RABGAP1: variants seen among roughly 807,000 people sequenced by gnomAD.
The protein encoded by RABGAP1 is rab GTPase-activating protein 1.
In RABGAP1, 23 loss-of-function variants were observed where a neutral mutation model predicts 137.6. The ratio of observed to expected loss-of-function variants is 0.17; its 90% confidence interval spans 0.12 to 0.24. RABGAP1 has a LOEUF of 0.24. Ranked by LOEUF, RABGAP1 falls within the 10% of genes least tolerant of loss-of-function variation. The pLI is 1.00. For synonymous variants in RABGAP1, 451 were observed against 450.7 expected, an observed-to-expected ratio of 1.00 and a Z score of -0.01; for missense variants, 906 against 1,275.8, an observed-to-expected ratio of 0.71 and a Z score of 4.42.
chr9:123,016,568 A>G (rs1055259777), intron 12 of RABGAP1, among the ~76,000 whole-genome samples: 10 of 152,198 alleles, frequency 6.6e-5, no homozygotes, highest in Non-Finnish European at 1.2e-4. Context: ...GGTATTTAAC[A>G]TGACCACAGA....
chr9:122,940,498 G>A (rs1833485512), upstream of RABGAP1, among the ~76,000 whole-genome samples: 1 of 152,186 alleles, frequency 6.6e-6, no homozygotes, highest in South Asian at 2.1e-4. Context: ...GTACCATTCT[G>A]ACGGGTTTGT....
chr9:123,087,979 C>T (rs571882084), intron 19 of RABGAP1, among the ~76,000 whole-genome samples: 1 of 152,098 alleles, frequency 6.6e-6, no homozygotes, highest in African/African-American at 2.4e-5. Flanking sequence ...GGCAGATTTC[C>T]ACGTCAGCAC....
At chr9:122,931,783 G>A in the RABGAP1 span, among the ~76,000 whole-genome samples, 1 of 152,230 alleles carries the variant, frequency 6.6e-6, no homozygotes, top group Non-Finnish European at 1.5e-5. Context: ...GGGACCCGCT[G>A]CTCGGGACCC....
At chr9:122,958,973 T>C (rs1345954267) in intron 2 of RABGAP1, among the ~76,000 whole-genome samples, 2 of 152,156 alleles carry the variant, frequency 1.3e-5, no homozygotes, top group African/African-American at 4.8e-5. Flanking sequence ...CACACCACTG[T>C]ACTTCAGCCC....
intron 19 of RABGAP1, among the ~76,000 whole-genome samples, chr9:123,083,487 T>C (rs1249077917): frequency 6.6e-6 from 1 of 152,208 alleles, no homozygotes; most frequent in Non-Finnish European, 1.5e-5. Context: ...GGCACTGCCT[T>C]CTTTTAATAA....
At chr9:123,088,373 C>G (rs540402219) in intron 19 of RABGAP1, among the ~76,000 whole-genome samples, 2 of 152,052 alleles carry the variant, frequency 1.3e-5, no homozygotes, top group African/African-American at 4.8e-5. Context: ...AAATTGCACA[C>G]ATCTGTTTTT....
intron 1 of RABGAP1, among the ~76,000 whole-genome samples, chr9:122,956,433 G>T (rs148446506): frequency 0.016 from 2,392 of 152,216 alleles, 35 homozygotes; most frequent in South Asian, 0.066. Context: ...GGCGGATCAC[G>T]AGGTCAGGAG....
intron 19 of RABGAP1, among the ~76,000 whole-genome samples, chr9:123,088,839 GA>G (rs2034950569): frequency 6.6e-6 from 1 of 152,222 alleles, no homozygotes; most frequent in African/African-American, 2.4e-5. Context: ...TTTTCTAGAA[GA>G]AAGCAGAGAA....
At chr9:122,962,985 A>G (rs1834931033) in intron 2 of RABGAP1, among the ~76,000 whole-genome samples, 1 of 152,274 alleles carries the variant, frequency 6.6e-6, no homozygotes, top group African/African-American at 2.4e-5. Flanking sequence ...GAGGTAATAT[A>G]TGAATAATGA....
intron 13 of RABGAP1, among the ~76,000 whole-genome samples, chr9:123,038,299 G>C (rs2032775665): frequency 6.6e-6 from 1 of 152,042 alleles, no homozygotes; most frequent in African/African-American, 2.4e-5. Flanking sequence ...TTCTTTTCAA[G>C]CCTTTTATAA....
At chr9:123,065,297 A>C in intron 13 of RABGAP1, 51 bp from the exon 14 acceptor site, 2 of 1,310,124 alleles carry the variant, frequency 1.5e-6, no homozygotes, top group Non-Finnish European at 2.2e-6. Flanking sequence ...CCTGAATAAG[A>C]GTTTACATGA....
intron 12 of RABGAP1, among the ~76,000 whole-genome samples, chr9:123,016,261 T>A (rs2031221233): frequency 6.6e-6 from 1 of 152,086 alleles, no homozygotes; most frequent in Non-Finnish European, 1.5e-5. Flanking sequence ...AATCTCAGCA[T>A]TTTGGGAGGT....
At chr9:122,965,832 A>G (rs1394148054) in intron 2 of RABGAP1, among the ~76,000 whole-genome samples, 2 of 152,228 alleles carry the variant, frequency 1.3e-5, no homozygotes, top group African/African-American at 4.8e-5. Context: ...TTTTCTAAAA[A>G]GCTCCCTGGA....
At chr9:122,950,817 G>A (rs1039722111) in intron 1 of RABGAP1, among the ~76,000 whole-genome samples, 5 of 152,182 alleles carry the variant, frequency 3.3e-5, no homozygotes, top group Admixed American at 6.5e-5. Context: ...CTGTAACCAT[G>A]TTAGCTAATG....
intron 5 of RABGAP1, 28 bp from the exon 6 acceptor site, chr9:122,990,027 AG>A (rs756702912): frequency 6.5e-7 from 1 of 1,542,846 alleles, no homozygotes; most frequent in African/African-American, 1.4e-5. Context: ...TTTTGATAAC[AG>A]CCCATTTCCT....
intron 1 of RABGAP1, among the ~76,000 whole-genome samples, chr9:122,941,476 C>A (rs959328647): frequency 2.0e-5 from 3 of 152,036 alleles, no homozygotes; most frequent in African/African-American, 7.2e-5. Context: ...TCCAGCCGCT[C>A]CCCCCCGCCT....
intron 10 of RABGAP1, among the ~76,000 whole-genome samples, chr9:123,003,754 G>A (rs2029940643): frequency 6.6e-6 from 1 of 152,018 alleles, no homozygotes; most frequent in African/African-American, 2.4e-5. Context: ...TTGCTTTCTT[G>A]GACTTAAATT....
upstream of RABGAP1, chr9:122,938,852 C>G (rs539672137): frequency 6.6e-6 from 1 of 152,280 alleles, no homozygotes; most frequent in South Asian, 2.1e-4. Context: ...CTTGCAGGAA[C>G]AAGCTCAATG....
chr9:123,078,073 C>T (rs966031580), intron 19 of RABGAP1, among the ~76,000 whole-genome samples: 5 of 152,070 alleles, frequency 3.3e-5, no homozygotes, highest in African/African-American at 1.2e-4. Context: ...TTAATGCTCA[C>T]ACAGACATAG....
Sources: allele counts gnomAD v4.1 joint callset (sites outside exome capture counted in the v4.1 genomes callset), GRCh38; gene constraint gnomAD v4.1.1; transcripts MANE v1.5; gene names NCBI Gene and HGNC (gene_info 2026-07-23, HGNC 2026-07-21).